ATRN: variants seen among roughly 807,000 people sequenced by gnomAD.
ATRN encodes attractin-2.
ATRN carries 54 observed loss-of-function variants against 178.7 expected under a neutral mutation model. The observed-to-expected ratio is 0.30, with a 90% confidence interval of 0.24 to 0.38. The LOEUF (loss-of-function observed/expected upper bound fraction) is 0.38, where lower values mean the gene tolerates loss of function less well. Ranked by LOEUF, ATRN falls within the 10% of genes least tolerant of loss-of-function variation. The pLI, the probability that ATRN is intolerant of heterozygous loss-of-function variation, is 1.00. For synonymous variants in ATRN, 636 were observed against 663.0 expected, an observed-to-expected ratio of 0.96 and a Z score of 0.63; for missense variants, 1,443 against 1,815.1, an observed-to-expected ratio of 0.79 and a Z score of 3.73.
At chr20:3,508,944 A>G (rs960007049) in intron 1 of ATRN, among the ~76,000 whole-genome samples, 1 of 152,182 alleles carries the variant, frequency 6.6e-6, no homozygotes, top group Non-Finnish European at 1.5e-5. Flanking sequence ...TAGGGTAATC[A>G]CTAATAGTAG....
intron 6 of ATRN, among the ~76,000 whole-genome samples, chr20:3,550,720 G>A (rs141686858): frequency 3.3e-4 from 51 of 152,274 alleles, no homozygotes; most frequent in African/African-American, 1.2e-3. Context: ...CCCTAGGAGT[G>A]GCACAGGTGG....
rs369252988 is a variant in ATRN, at chr20:3,582,136, C to T, written c.2546C>T (p.Ser849Phe). ...LRIMQSSQSM[S>F]KLTLTPWVGL... ...TAGTTGTGTCTCTTTTGCCTTTAGT[C>T]CAAGCTCACCTTAACCCCATGGGTC... The change falls in exon 16 of 29, where the codon TCC becomes TTC. Residue 849 changes from serine to phenylalanine, a missense_variant and splice_region_variant. Physicochemically the swap from Ser to Phe is radical, Grantham distance 155. This residue lies in a region of ATRN where 212 missense variants were observed against 330.7 expected (regional missense o/e 0.64). Transcript: ENST00000262919. The T allele has an allele frequency of 9.3e-6, 15 of 1,613,520 alleles. No homozygotes were observed. Among genetic ancestry groups the T allele is most frequent in the Non-Finnish European group, 9.3e-6 (11 of 1,179,632 alleles).
chr20:3,607,564 G>A lies in ATRN; in HGVS notation c.3801+3302G>A, dbSNP rs541772813. ...CAAAGGACAGGATTCCATTCTTTTT[G>A]TGACTGAATAATATTTCATTGTATA... On this transcript the variant is annotated intron_variant, in intron 24 of 28. Coordinates refer to ENST00000262919, the MANE Select transcript of ATRN (RefSeq NM_139321.3). Among the ~76,000 whole-genome samples the A allele has an allele frequency of 3.9e-5, 6 of 152,212 alleles. No individual in the cohort carries two copies. In the South Asian group the frequency reaches 1.2e-3, roughly 32 times the overall value.
intron 2 of ATRN, among the ~76,000 whole-genome samples, chr20:3,536,959 G>A (rs2085541901): frequency 6.6e-6 from 1 of 152,108 alleles, no homozygotes; most frequent in Non-Finnish European, 1.5e-5. Context: ...AGGAACTTTT[G>A]GTACTTGTTA....
chr20:3,593,280 C>T (rs1220129089), intron 19 of ATRN, among the ~76,000 whole-genome samples: 2 of 152,098 alleles, frequency 1.3e-5, no homozygotes, highest in African/African-American at 2.4e-5. Flanking sequence ...CGGTAGAAAG[C>T]GTGGTGTTTA....
intron 1 of ATRN, among the ~76,000 whole-genome samples, chr20:3,511,578 T>C (rs2085128652): frequency 6.6e-6 from 1 of 152,220 alleles, no homozygotes; most frequent in South Asian, 2.1e-4. Context: ...AGATTGTTTC[T>C]ATTTAGACAT....
chr20:3,613,641 G>A (rs671575), intron 24 of ATRN, among the ~76,000 whole-genome samples: 106,666 of 150,722 alleles, frequency 0.71, 38,805 homozygotes, highest in East Asian at 0.99. Context: ...TATGGCTTTC[G>A]ATGCAGGCAA....
intron 1 of ATRN, among the ~76,000 whole-genome samples, chr20:3,486,973 A>G (rs1403425592): frequency 6.6e-6 from 1 of 151,868 alleles, no homozygotes; most frequent in Admixed American, 6.6e-5. Flanking sequence ...TATTCTTTTT[A>G]TTCTGTTTAC....
chr20:3,573,003 A>G, intron 12 of ATRN, 52 bp downstream of exon 12: 1 of 1,504,364 alleles, frequency 6.6e-7, no homozygotes, highest in Middle Eastern at 2.0e-4. Flanking sequence ...ACCTCATTTT[A>G]TCTGAATTGT....
At chr20:3,628,948 G>A (rs1016692517) in intron 25 of ATRN, 2 of 985,030 alleles carry the variant, frequency 2.0e-6, no homozygotes, top group Admixed American at 6.2e-5. Context: ...ACTGGACTCT[G>A]CCTTCCCCAT....
intron 1 of ATRN, chr20:3,490,649 C>T (rs768551758): frequency 4.2e-5 from 37 of 885,578 alleles, no homozygotes; most frequent in Non-Finnish European, 6.8e-5. Flanking sequence ...AAGTTTTGTG[C>T]CTCTTCACTT....
intron 24 of ATRN, chr20:3,615,885 G>A (rs763110625): frequency 1.1e-5 from 5 of 451,294 alleles, no homozygotes; most frequent in African/African-American, 8.0e-5. Context: ...ACACACCAGG[G>A]CCTGTTGTGG....
At chr20:3,628,915 G>A (rs552501609) in intron 25 of ATRN, 14 of 985,138 alleles carry the variant, frequency 1.4e-5, no homozygotes, top group East Asian at 1.1e-4. Context: ...GACCCTGGCC[G>A]TCTTCTCACT....
intron 24 of ATRN, among the ~76,000 whole-genome samples, chr20:3,616,920 T>C (rs2086852504): frequency 7.0e-6 from 1 of 143,524 alleles, no homozygotes; most frequent in Non-Finnish European, 1.5e-5. Flanking sequence ...CTGTTTCCAC[T>C]ATACGAAGAT....
chr20:3,561,045 G>C, intron 8 of ATRN, 140 bp downstream of exon 8: 1 of 1,150,636 alleles, frequency 8.7e-7, no homozygotes, highest in South Asian at 1.5e-5. Flanking sequence ...CTGGGCCCAG[G>C]CGTGGTGGCC....
At chr20:3,630,616 G>A (rs938252547) in intron 25 of ATRN, among the ~76,000 whole-genome samples, 3 of 152,084 alleles carry the variant, frequency 2.0e-5, no homozygotes, top group African/African-American at 4.8e-5. Context: ...GGTGAGGACC[G>A]GCCACTTCTA....
chr20:3,523,263 A>G (rs1050235321), intron 1 of ATRN, among the ~76,000 whole-genome samples: 1 of 151,972 alleles, frequency 6.6e-6, no homozygotes, highest in African/African-American at 2.4e-5. Flanking sequence ...GAACTTTGTG[A>G]AGCATACACA....
At chr20:3,589,918 T>A (rs183391676) in intron 18 of ATRN, among the ~76,000 whole-genome samples, 47 of 152,312 alleles carry the variant, frequency 3.1e-4, no homozygotes, top group Non-Finnish European at 4.7e-4. Flanking sequence ...AGCTGGCACA[T>A]TGCCTTGAGT....
intron 6 of ATRN, among the ~76,000 whole-genome samples, chr20:3,557,316 A>G (rs1217369855): frequency 1.3e-5 from 2 of 152,234 alleles, no homozygotes; most frequent in Admixed American, 1.3e-4. Flanking sequence ...AAAGCAAACC[A>G]TGAAAAAAGA....
Sources: allele counts gnomAD v4.1 joint callset (sites outside exome capture counted in the v4.1 genomes callset), GRCh38; gene constraint gnomAD v4.1.1; regional missense constraint gnomAD v4.1.1; transcripts MANE v1.5; gene names NCBI Gene and HGNC (gene_info 2026-07-23, HGNC 2026-07-21).